Variants in THSD7B observed in about 807,000 individuals in gnomAD.
THSD7B encodes thrombospondin type 1 domain containing 7B, also known as thrombospondin type-1 domain-containing protein 7B.
In THSD7B, 138 loss-of-function variants were observed where a neutral mutation model predicts 213.6. The ratio of observed to expected loss-of-function variants is 0.65; its 90% confidence interval spans 0.56 to 0.74. The LOEUF (loss-of-function observed/expected upper bound fraction) is 0.74. Ranked by LOEUF, THSD7B falls within the 30% of genes least tolerant of loss-of-function variation. THSD7B has a pLI of 0.00. For synonymous variants in THSD7B, 742 were observed against 687.0 expected (o/e 1.08, Z -1.25); for missense variants, 1,931 against 1,991.5 (o/e 0.97, Z 0.58).
chr2:136,851,768 A>C (rs1683102305), intron 1 of THSD7B, among the ~76,000 whole-genome samples: 1 of 152,236 alleles, frequency 6.6e-6, no homozygotes, highest in Admixed American at 6.5e-5. Flanking sequence ...CTTTTTCTAC[A>C]GGACAAAGTA....
intron 2 of THSD7B, among the ~76,000 whole-genome samples, chr2:136,893,759 T>G (rs568393651): frequency 2.4e-4 from 37 of 152,320 alleles, no homozygotes; most frequent in African/African-American, 8.4e-4. Context: ...TTCCCAACAC[T>G]ATAGCCACAG....
chr2:137,131,344 A>C (rs1192342962), intron 5 of THSD7B, among the ~76,000 whole-genome samples: 2 of 151,974 alleles, frequency 1.3e-5, no homozygotes, highest in Admixed American at 6.6e-5. Flanking sequence ...GCTCACTCTG[A>C]TGATAGTTTC....
At chr2:137,134,136 T>G (rs951789834) in intron 5 of THSD7B, among the ~76,000 whole-genome samples, 1 of 152,198 alleles carries the variant, frequency 6.6e-6, no homozygotes, top group African/African-American at 2.4e-5. Flanking sequence ...AGCAACATTA[T>G]TATTTCCATT....
intron 15 of THSD7B, among the ~76,000 whole-genome samples, chr2:137,485,402 A>C (rs888898518): frequency 2.3e-4 from 35 of 152,190 alleles, no homozygotes; most frequent in African/African-American, 5.3e-4. Flanking sequence ...GGTACCAGTA[A>C]CATGCTGTTT....
intron 19 of THSD7B, among the ~76,000 whole-genome samples, chr2:137,618,992 T>A (rs1459654077): frequency 6.6e-6 from 1 of 152,210 alleles, no homozygotes; most frequent in African/African-American, 2.4e-5. Flanking sequence ...TTAAAATGCA[T>A]CCCTACCAAG....
At chr2:137,243,444 T>C (rs986103067) in intron 10 of THSD7B, among the ~76,000 whole-genome samples, 15 of 152,202 alleles carry the variant, frequency 9.9e-5, no homozygotes, top group African/African-American at 3.4e-4. Flanking sequence ...GTGAGTCTCA[T>C]CCACTGGTCC....
chr2:136,809,775 G>T (rs553913337), intron 1 of THSD7B, among the ~76,000 whole-genome samples: 1 of 152,270 alleles, frequency 6.6e-6, no homozygotes. Context: ...AGACCAGCTT[G>T]GTGCCTACTG....
intron 1 of THSD7B, among the ~76,000 whole-genome samples, chr2:136,827,165 G>A (rs1426787950): frequency 6.6e-6 from 1 of 152,160 alleles, no homozygotes; most frequent in Admixed American, 6.5e-5. Context: ...GGCAGTGTTA[G>A]GTCAGCTCCA....
At chr2:137,216,280 CA>C (rs1259617382) in intron 7 of THSD7B, among the ~76,000 whole-genome samples, 3 of 64,682 alleles carry the variant, frequency 4.6e-5, no homozygotes, top group Admixed American at 1.5e-4. Flanking sequence ...CCCCGCCCCC[CA>C]CCCCCCTGCA....
Position 137,181,738 on chromosome 2 carries a change from T to C in THSD7B, c.1723+10800T>C, listed in dbSNP as rs1417519696. Among the ~76,000 whole-genome samples, 10 of 152,142 alleles carry C rather than the reference T, an allele frequency of 6.6e-5. No individual in the cohort carries two copies. In the South Asian group the frequency reaches 2.1e-3, roughly 32 times the overall value. ...TAATGATATGTAGCATCTCTGGCAC[T>C]CCCCCATGGATTGACAGTCATGTCC... On this transcript the variant is annotated intron_variant, in intron 7 of 27. Transcript: ENST00000409968.
chr2:137,410,110 T>G (rs902649437), intron 13 of THSD7B, among the ~76,000 whole-genome samples: 2 of 152,134 alleles, frequency 1.3e-5, no homozygotes, highest in African/African-American at 4.8e-5. Context: ...CCTCACTAAT[T>G]ATTGATATAT....
chr2:136,938,681 C>A (rs1684771532), intron 2 of THSD7B, among the ~76,000 whole-genome samples: 1 of 152,134 alleles, frequency 6.6e-6, no homozygotes, highest in Non-Finnish European at 1.5e-5. Context: ...CACATTTTCC[C>A]TTTTTGTACC....
Position 137,642,552 on chromosome 2 carries a change from A to G in THSD7B, c.3864A>G (p.Thr1288=). 6.2e-7 allele frequency: 1 copy of G among 1,613,938 alleles called. No individual in the cohort carries two copies. Residue 1288 remains threonine, a synonymous_variant, in exon 21 of 28, where the codon ACA becomes ACG. Transcript: ENST00000409968. ...AAGGAGAAGGACGGCCATGCCCCAC[A>G]GAGCTTACCCAGGAGAAAACCTGCC... The part of the protein sequence containing the change: ...PTQGEGRPCP[T]ELTQEKTCPV...
At chr2:137,503,312 TA>T (rs967643742) in intron 15 of THSD7B, among the ~76,000 whole-genome samples, 10 of 152,132 alleles carry the variant, frequency 6.6e-5, no homozygotes, top group Non-Finnish European at 8.8e-5. Context: ...CTAATCAGTA[TA>T]AAAAACATTC....
In THSD7B at chr2:137,181,227, A is replaced by T. The variant is rs564565330; in HGVS notation, c.1723+10289A>T. Among the ~76,000 whole-genome samples, 7 of 152,326 alleles carry T rather than the reference A, an allele frequency of 4.6e-5. No individual in the cohort carries two copies. In the East Asian group the frequency reaches 1.4e-3, roughly 29 times the overall value. ...GGAGATATGTGAAATCACAAAGAAG[A>T]TAGGAGACAGCTCTTTAGGGATAAA... On this transcript the variant is annotated intron_variant, in intron 7 of 27. Transcript: ENST00000409968.
intron 2 of THSD7B, among the ~76,000 whole-genome samples, chr2:136,976,661 T>G (rs2104804028): frequency 6.6e-6 from 1 of 151,496 alleles, no homozygotes; most frequent in South Asian, 2.1e-4. Flanking sequence ...TGAGATGGAG[T>G]CTCGCTCTGT....
intron 12 of THSD7B, among the ~76,000 whole-genome samples, chr2:137,327,511 A>G (rs1684398371): frequency 6.6e-6 from 1 of 151,052 alleles, no homozygotes; most frequent in Non-Finnish European, 1.5e-5. Flanking sequence ...TCTGCTCTCT[A>G]TCTCCTCTAT....
At position 136,806,593 on chromosome 2, in the gene THSD7B, G is replaced by A. The variant is rs532469573; in HGVS notation, c.-36+40906G>A. On this transcript the variant is annotated intron_variant, in intron 1 of 27. Coordinates refer to ENST00000409968, the MANE Select transcript of THSD7B (RefSeq NM_001316349.2). ...AGTTTTACAGTCACAGGAGAGATGC[G>A]AAGATAGTACAAAGAGTTCCCATAT... Among the ~76,000 whole-genome samples the A allele has an allele frequency of 3.9e-5, 6 of 152,252 alleles. No individual in the cohort carries two copies. In the South Asian group the frequency reaches 6.2e-4, roughly 16 times the overall value.
At chr2:137,263,813 A>G (rs902362332) in intron 10 of THSD7B, among the ~76,000 whole-genome samples, 1 of 152,156 alleles carries the variant, frequency 6.6e-6, no homozygotes, top group African/African-American at 2.4e-5. Context: ...GATAGGAAGG[A>G]AGTCTATAAA....
Sources: gnomAD v4.1 joint callset for allele counts (sites outside exome capture counted in the v4.1 genomes callset) on GRCh38, gnomAD v4.1.1 for gene constraint, MANE v1.5 for transcripts, NCBI Gene and HGNC (gene_info 2026-07-23, HGNC 2026-07-21) for gene names.